The following LINGO2 variants were observed in gnomAD, a reference collection of about 807,000 sequenced individuals.
The protein encoded by LINGO2 is leucine-rich repeat and immunoglobulin-like domain-containing nogo receptor-interacting protein 2.
In LINGO2, 14 loss-of-function variants were observed where a neutral mutation model predicts 30.6. The observed-to-expected ratio is 0.46, with a 90% CI of 0.30 to 0.72. The LOEUF is 0.72. Ranked by LOEUF, LINGO2 falls within the 30% of genes least tolerant of loss-of-function variation. The pLI, the probability that LINGO2 is intolerant of heterozygous loss-of-function variation, is 0.07. For missense variants in LINGO2, 729 were observed against 751.7 expected (o/e 0.97, Z 0.35); for synonymous variants, 317 against 288.5 (o/e 1.10, Z -1.00).
chr9:28,971,339 G>C, the LINGO2 span, among the ~76,000 whole-genome samples: 2 of 152,120 alleles, frequency 1.3e-5, no homozygotes, highest in Non-Finnish European at 2.9e-5. Flanking sequence ...CAGGATGTTG[G>C]GGTCCTAGAT....
At chr9:28,579,001 G>A (rs187427858) in intron 1 of LINGO2, among the ~76,000 whole-genome samples, 281 of 151,720 alleles carry the variant, frequency 1.9e-3, no homozygotes, top group Non-Finnish European at 2.9e-3. Context: ...AATAAAGATC[G>A]TAAGATTTAT....
At chr9:28,498,470 T>A (rs1021842714) in intron 1 of LINGO2, among the ~76,000 whole-genome samples, 4 of 152,194 alleles carry the variant, frequency 2.6e-5, no homozygotes, top group Non-Finnish European at 5.9e-5. Flanking sequence ...GCACGGGTTA[T>A]AATCTCCTGG....
At chr9:28,807,851 A>T in the LINGO2 span, among the ~76,000 whole-genome samples, 3 of 152,172 alleles carry the variant, frequency 2.0e-5, no homozygotes, top group African/African-American at 4.8e-5. Context: ...TGTGGGTCAG[A>T]ATAGTATTCA....
chr9:28,395,698 A>G (rs1016167363), intron 2 of LINGO2, among the ~76,000 whole-genome samples: 1 of 152,220 alleles, frequency 6.6e-6, no homozygotes, highest in Non-Finnish European at 1.5e-5. Context: ...CAGACATAGT[A>G]TAAAGTTGAA....
At chr9:28,518,005 A>AT (rs906436431) in intron 1 of LINGO2, among the ~76,000 whole-genome samples, 18 of 152,244 alleles carry the variant, frequency 1.2e-4, no homozygotes, top group African/African-American at 4.1e-4. Flanking sequence ...CCAAGATCTT[A>AT]TTTCTGTGTC....
intron 4 of LINGO2, among the ~76,000 whole-genome samples, chr9:28,029,375 A>G (rs1823548211): frequency 6.6e-6 from 1 of 152,144 alleles, no homozygotes; most frequent in South Asian, 2.1e-4. Flanking sequence ...GACAAACACT[A>G]AAGTGTAAAT....
the LINGO2 span, among the ~76,000 whole-genome samples, chr9:29,073,357 G>A: frequency 6.6e-6 from 1 of 151,912 alleles, no homozygotes; most frequent in African/African-American, 2.4e-5. Context: ...AGTAATGGGG[G>A]AAAAAAACAG....
intron 4 of LINGO2, among the ~76,000 whole-genome samples, chr9:28,104,434 T>C (rs1215603556): frequency 1.3e-5 from 2 of 151,982 alleles, no homozygotes; most frequent in African/African-American, 4.8e-5. Flanking sequence ...AATTAACTTT[T>C]ATAAATAACT....
chr9:28,082,716 G>T (rs145363720), intron 4 of LINGO2, among the ~76,000 whole-genome samples: 1 of 152,198 alleles, frequency 6.6e-6, no homozygotes, highest in Non-Finnish European at 1.5e-5. Context: ...CTCAGTTAAA[G>T]AAAGAACATG....
At chr9:28,883,628 G>GTGTGTATATATA in the LINGO2 span, among the ~76,000 whole-genome samples, 10 of 64,176 alleles carry the variant, frequency 1.6e-4, no homozygotes, top group African/African-American at 3.5e-4. Flanking sequence ...ATGTGTGTGT[G>GTGTGTATATATA]TATATATATA....
In LINGO2 at chr9:28,130,104, T is replaced by C. The variant is rs1827342614; in HGVS notation, c.-86-117699A>G. 6.6e-6 allele frequency among the ~76,000 whole-genome samples: 1 copy of C among 152,268 alleles called. No individual in the cohort carries two copies. Among genetic ancestry groups the C allele is most frequent in the Non-Finnish European group, 1.5e-5 (1 of 68,050 alleles). On this transcript the variant is annotated intron_variant, in intron 4 of 5. Transcript: ENST00000379992. This position sits in a 1 kb window ranked among gnomAD's most constrained non-coding sequence, Gnocchi z 5.2. ...TCTTCAGGTAAACTCTTGGGGATTTTGTCAATTCTGACATTGATTCCCATG... is the reference window on the plus strand; with the variant it reads ...TCTTCAGGTAAACTCTTGGGGATTTCGTCAATTCTGACATTGATTCCCATG...
At chr9:28,692,239 T>C in the LINGO2 span, among the ~76,000 whole-genome samples, 11 of 151,970 alleles carry the variant, frequency 7.2e-5, no homozygotes, top group East Asian at 3.9e-4. Flanking sequence ...CTTTAGGAGG[T>C]TGAGGTCGGC....
chr9:28,378,867 T>C (rs1280950147), intron 2 of LINGO2, among the ~76,000 whole-genome samples: 1 of 152,120 alleles, frequency 6.6e-6, no homozygotes, highest in Non-Finnish European at 1.5e-5. Context: ...TCAATATTCA[T>C]GAGTTCAGGG....
At chr9:28,568,778 A>G (rs1162925238) in intron 1 of LINGO2, among the ~76,000 whole-genome samples, 1 of 152,002 alleles carries the variant, frequency 6.6e-6, no homozygotes, top group Non-Finnish European at 1.5e-5. Context: ...ATGGATAAAA[A>G]CTTACCTAGA....
At chr9:28,918,983 C>T in the LINGO2 span, among the ~76,000 whole-genome samples, 1 of 152,184 alleles carries the variant, frequency 6.6e-6, no homozygotes, top group South Asian at 2.1e-4. Context: ...GATGGGTGCA[C>T]TGTATCCAGT....
the LINGO2 span, among the ~76,000 whole-genome samples, chr9:29,084,443 T>G: frequency 5.3e-5 from 8 of 152,098 alleles, no homozygotes; most frequent in Admixed American, 3.3e-4. Context: ...ACAGGTATTT[T>G]ACACTAGTTT....
chr9:28,580,478 T>C (rs2135647480), intron 1 of LINGO2, among the ~76,000 whole-genome samples: 2 of 152,038 alleles, frequency 1.3e-5, no homozygotes, highest in South Asian at 4.1e-4. Context: ...ACTGAATAAA[T>C]ATAGTACAAA....
chr9:28,244,345 T>C (rs1821919702), intron 4 of LINGO2, among the ~76,000 whole-genome samples: 1 of 152,234 alleles, frequency 6.6e-6, no homozygotes, highest in East Asian at 1.9e-4. Context: ...GGGAAATTGA[T>C]AGCACTAAAT....
At chr9:28,892,161 T>C in the LINGO2 span, among the ~76,000 whole-genome samples, 1 of 151,956 alleles carries the variant, frequency 6.6e-6, no homozygotes, top group Non-Finnish European at 1.5e-5. Context: ...CACTCCATGC[T>C]AGACTGCAGC....
Sources: gnomAD v4.1 joint callset for allele counts (sites outside exome capture counted in the v4.1 genomes callset) on GRCh38, gnomAD v4.1.1 for gene constraint, Gnocchi (gnomAD v3.1) non-coding constraint, MANE v1.5 for transcripts, NCBI Gene and HGNC (gene_info 2026-07-23, HGNC 2026-07-21) for gene names.